Variants in EYA1 observed in about 807,000 individuals in gnomAD.
The protein encoded by EYA1 is EYA transcriptional coactivator and phosphatase 1, also known as protein phosphatase EYA1.
Under a neutral mutation model 82.0 loss-of-function variants are expected in EYA1, and 16 were observed. The ratio of observed to expected loss-of-function variants is 0.20; its 90% CI spans 0.13 to 0.30. EYA1 has a LOEUF of 0.30. Among genes scored for constraint, EYA1 ranks in the 10% least tolerant of loss-of-function variants. The probability of loss-of-function intolerance (pLI) is 1.00; values close to 1 mark genes in which losing one functional copy is unlikely to be tolerated. For synonymous variants in EYA1, 261 were observed against 264.4 expected, an observed-to-expected ratio of 0.99 and a Z score of 0.12; for missense variants, 633 against 730.7, an observed-to-expected ratio of 0.87 and a Z score of 1.54.
chr8:71,505,957 G>T (rs556943031), intron 2 of EYA1, among the ~76,000 whole-genome samples: 1 of 152,208 alleles, frequency 6.6e-6, no homozygotes, highest in East Asian at 1.9e-4. Flanking sequence ...GGTTTTATAA[G>T]TGTTTGACAG....
intron 11 of EYA1, among the ~76,000 whole-genome samples, chr8:71,245,648 C>T (rs1182221967): frequency 1.3e-5 from 2 of 152,016 alleles, no homozygotes; most frequent in African/African-American, 2.4e-5. Context: ...GATTGGACAG[C>T]CCTGCACTAT....
At chr8:71,541,071 C>A (rs1039849113) in intron 1 of EYA1, among the ~76,000 whole-genome samples, 2 of 152,202 alleles carry the variant, frequency 1.3e-5, no homozygotes, top group Non-Finnish European at 2.9e-5. Context: ...TGTCTGTCAC[C>A]TCTTCTGTGC....
intron 2 of EYA1, among the ~76,000 whole-genome samples, chr8:71,495,361 C>G (rs1184543439): frequency 6.6e-6 from 1 of 152,188 alleles, no homozygotes; most frequent in Non-Finnish European, 1.5e-5. Flanking sequence ...CGCCTGTAAT[C>G]CCAGCACTGT....
intron 1 of EYA1, among the ~76,000 whole-genome samples, chr8:71,540,826 T>C (rs1175676097): frequency 6.6e-6 from 1 of 152,118 alleles, no homozygotes; most frequent in Non-Finnish European, 1.5e-5. Flanking sequence ...TTTCTAACAT[T>C]CCTGAGAAGC....
chr8:71,449,189 C>A, intron 2 of EYA1: 1 of 163,162 alleles, frequency 6.1e-6, no homozygotes, highest in Non-Finnish European at 1.3e-5. Context: ...TCATTGTGGC[C>A]ACTAATTACC....
At chr8:71,331,285 C>CACATATATAT (rs554459560) in intron 4 of EYA1, among the ~76,000 whole-genome samples, 2 of 127,474 alleles carry the variant, frequency 1.6e-5, no homozygotes, top group African/African-American at 5.6e-5. Flanking sequence ...CACACACACA[C>CACATATATAT]ATATATATAC....
intron 12 of EYA1, chr8:71,225,213 T>G (rs1345922058): frequency 4.4e-6 from 2 of 456,250 alleles, no homozygotes; most frequent in Non-Finnish European, 8.8e-6. Flanking sequence ...CTCACTGTGC[T>G]TTCAAATAGA....
At chr8:71,430,240 G>A (rs1490068145) in intron 2 of EYA1, among the ~76,000 whole-genome samples, 6 of 152,076 alleles carry the variant, frequency 3.9e-5, no homozygotes, top group Non-Finnish European at 7.4e-5. Flanking sequence ...TATCTCATTT[G>A]ATCTTTCCCA....
At chr8:71,373,871 A>G (rs1233691456) in intron 2 of EYA1, among the ~76,000 whole-genome samples, 1 of 152,192 alleles carries the variant, frequency 6.6e-6, no homozygotes, top group Non-Finnish European at 1.5e-5. Flanking sequence ...CAAGACCACC[A>G]ATAAGACCAA....
intron 12 of EYA1, among the ~76,000 whole-genome samples, chr8:71,240,411 G>A (rs1812340709): frequency 1.3e-5 from 2 of 152,124 alleles, no homozygotes; most frequent in Admixed American, 1.3e-4. Context: ...GAATGCTCTG[G>A]TCTGCTCCAA....
chr8:71,329,919 A>G (rs1460636674), intron 4 of EYA1, among the ~76,000 whole-genome samples: 2 of 152,186 alleles, frequency 1.3e-5, no homozygotes, highest in Non-Finnish European at 2.9e-5. Flanking sequence ...GTAGAACAGC[A>G]GAGCTGCACC....
At chr8:71,471,721 T>C (rs1273704599) in intron 2 of EYA1, among the ~76,000 whole-genome samples, 1 of 152,084 alleles carries the variant, frequency 6.6e-6, no homozygotes, top group African/African-American at 2.4e-5. Context: ...AAAGTGATTT[T>C]CCCCTGATAT....
chr8:71,517,724 TATAACTGTATAC>T (rs1262227447), intron 2 of EYA1, among the ~76,000 whole-genome samples: 2 of 148,472 alleles, frequency 1.3e-5, no homozygotes, highest in Non-Finnish European at 3.0e-5. Flanking sequence ...TATATATATA[TATAACTGTATAC>T]ATATATATAA....
At chr8:71,252,455 C>A (rs1229233910) in intron 11 of EYA1, among the ~76,000 whole-genome samples, 1 of 152,084 alleles carries the variant, frequency 6.6e-6, no homozygotes, top group Non-Finnish European at 1.5e-5. Flanking sequence ...ACTTACTACT[C>A]AAGGCACTTT....
intron 17 of EYA1, among the ~76,000 whole-genome samples, chr8:71,201,755 CATTTTAAAAGAAAACT>C (rs1008549044): frequency 7.9e-5 from 12 of 152,278 alleles, no homozygotes; most frequent in South Asian, 4.1e-4. Context: ...ATTTTAGACA[CATTTTAAAAGAAAACT>C]ATTTTAAAAG....
At chr8:71,323,800 G>T (rs1173168196) in intron 4 of EYA1, among the ~76,000 whole-genome samples, 6 of 152,238 alleles carry the variant, frequency 3.9e-5, no homozygotes, top group African/African-American at 1.2e-4. Flanking sequence ...ATAAAGAACT[G>T]TGGGATGGTC....
intron 4 of EYA1, among the ~76,000 whole-genome samples, chr8:71,329,653 A>G (rs1417613527): frequency 6.6e-6 from 1 of 152,130 alleles, no homozygotes; most frequent in Non-Finnish European, 1.5e-5. Context: ...TCGTTCATTC[A>G]TGTTTTCTTT....
At position 71,271,787 on chromosome 8, in the gene EYA1, G is replaced by A; in HGVS notation, c.937C>T (p.Pro313Ser). ...SRGRGRRNNN[P>S]SPPPDSDLER... ...AGATCAGAATCTGGGGGAGGTGAAG[G>A]ATTATTGTTTCTTCGGCCCCGTCCA... is the stretch of plus-strand genomic sequence containing the variant. Residue 313 changes from proline to serine, a missense_variant, in exon 10 of 18, where the codon CCT (proline) becomes TCT (serine). Physicochemically the swap from Pro to Ser is moderately conservative, Grantham distance 74. Transcript: ENST00000340726. 6.2e-7 allele frequency: 1 copy of A among 1,614,158 alleles called. No individual in the cohort carries two copies. Among genetic ancestry groups the A allele is most frequent in the African/African-American group, 1.3e-5 (1 of 75,032 alleles).
At chr8:71,322,734 ATCT>A (rs1169588692) in intron 4 of EYA1, among the ~76,000 whole-genome samples, 1 of 152,206 alleles carries the variant, frequency 6.6e-6, no homozygotes, top group Non-Finnish European at 1.5e-5. Context: ...ACATGGTCTA[ATCT>A]TCTCTCGGGT....
Sources: allele counts gnomAD v4.1 joint callset (sites outside exome capture counted in the v4.1 genomes callset), GRCh38; gene constraint gnomAD v4.1.1; transcripts MANE v1.5; gene names NCBI Gene and HGNC (gene_info 2026-07-23, HGNC 2026-07-21).